Variants in PCDH7 observed in about 807,000 individuals in gnomAD.
PCDH7 encodes the protein protocadherin 7, also known as protocadherin-7.
In PCDH7, 17 loss-of-function variants were observed where a neutral mutation model predicts 58.9. That is an observed-to-expected ratio of 0.29 (90% CI 0.20 to 0.43). The LOEUF (loss-of-function observed/expected upper bound fraction) is 0.43, where lower values mean the gene tolerates loss of function less well. Ranked by LOEUF, PCDH7 falls within the 20% of genes least tolerant of loss-of-function variation. The probability of loss-of-function intolerance (pLI) is 1.00; values close to 1 mark genes in which losing one functional copy is unlikely to be tolerated. For synonymous variants in PCDH7, 664 were observed against 616.4 expected, an observed-to-expected ratio of 1.08 and a Z score of -1.14; for missense variants, 1,274 against 1,441.0, an observed-to-expected ratio of 0.88 and a Z score of 1.88.
At chr4:30,981,399 G>C (rs1750555876) in intron 3 of PCDH7, among the ~76,000 whole-genome samples, 1 of 152,134 alleles carries the variant, frequency 6.6e-6, no homozygotes, top group South Asian at 2.1e-4. Context: ...TGGATGCCGA[G>C]ATTTATGACA....
chr4:30,870,673 G>C (rs1440034636), intron 1 of PCDH7, among the ~76,000 whole-genome samples: 3 of 152,020 alleles, frequency 2.0e-5, no homozygotes, highest in African/African-American at 7.2e-5. Context: ...AGCACCAATT[G>C]GTTTCCCTGT....
intron 1 of PCDH7, among the ~76,000 whole-genome samples, chr4:30,911,260 T>C (rs1026019494): frequency 6.6e-6 from 1 of 151,298 alleles, no homozygotes. Flanking sequence ...TATACCTATG[T>C]AACAAACCTG....
At chr4:30,797,121 C>G (rs189139213) in intron 1 of PCDH7, among the ~76,000 whole-genome samples, 4 of 151,812 alleles carry the variant, frequency 2.6e-5, no homozygotes, top group African/African-American at 9.7e-5. Flanking sequence ...CCACCACGCC[C>G]GGCTAATTTT....
chr4:30,752,518 A>G (rs1718665634), intron 1 of PCDH7, among the ~76,000 whole-genome samples: 1 of 152,152 alleles, frequency 6.6e-6, no homozygotes, highest in African/African-American at 2.4e-5. Flanking sequence ...ATAATTCAGT[A>G]GTTTAGCCTT....
intron 2 of PCDH7, among the ~76,000 whole-genome samples, chr4:30,947,087 T>A (rs1746784071): frequency 6.6e-6 from 1 of 152,126 alleles, no homozygotes; most frequent in African/African-American, 2.4e-5. Flanking sequence ...CTGCTTACAG[T>A]TGCACATGGT....
At chr4:31,129,299 G>A (rs1336853883) in intron 3 of PCDH7, among the ~76,000 whole-genome samples, 1 of 152,198 alleles carries the variant, frequency 6.6e-6, no homozygotes, top group Non-Finnish European at 1.5e-5. Flanking sequence ...AATTCCACAG[G>A]CTATCCAGAA....
At chr4:31,124,358 A>G (rs1259516537) in intron 3 of PCDH7, among the ~76,000 whole-genome samples, 1 of 152,212 alleles carries the variant, frequency 6.6e-6, no homozygotes, top group Non-Finnish European at 1.5e-5. Context: ...GCTAAAGAAC[A>G]TAGTTGATAA....
chr4:30,750,984 A>C (rs1427093562), intron 1 of PCDH7, among the ~76,000 whole-genome samples: 1 of 151,770 alleles, frequency 6.6e-6, no homozygotes, highest in Non-Finnish European at 1.5e-5. Flanking sequence ...AAGGAAAAAA[A>C]CGCAAGACTA....
chr4:30,980,910 C>T (rs1750497995), intron 3 of PCDH7, among the ~76,000 whole-genome samples: 1 of 152,132 alleles, frequency 6.6e-6, no homozygotes, highest in African/African-American at 2.4e-5. Context: ...GTGGTGCGAT[C>T]TCAGCTACTG....
rs533362534 is a variant in PCDH7 at position 30,798,173 on chromosome 4, A to G, written c.70+73577A>G. ...TGAATCAACATACCTAAGACGTTGT[A>G]TTTAAGTTGAAGGAGATTCAACTTG... On this transcript the variant is annotated intron_variant, in intron 1 of 3. Coordinates refer to the PCDH7 transcript ENST00000509759. Among the ~76,000 whole-genome samples the G allele has an allele frequency of 2.6e-5, 4 of 152,332 alleles. No homozygotes were observed. In the East Asian group the frequency reaches 7.7e-4, roughly 29 times the overall value.
chr4:30,992,788 C>T (rs1452286621), intron 3 of PCDH7, among the ~76,000 whole-genome samples: 1 of 149,522 alleles, frequency 6.7e-6, no homozygotes, highest in Non-Finnish European at 1.5e-5. Flanking sequence ...GACTACTGTC[C>T]CATTCTTTTT....
At chr4:30,903,597 A>G (rs1012205552) in intron 1 of PCDH7, among the ~76,000 whole-genome samples, 5 of 152,108 alleles carry the variant, frequency 3.3e-5, no homozygotes, top group African/African-American at 7.2e-5. Flanking sequence ...TCTTCATTGC[A>G]TCTTTAAAAT....
chr4:31,052,684 T>G (rs923751129), intron 3 of PCDH7, among the ~76,000 whole-genome samples: 1 of 152,120 alleles, frequency 6.6e-6, no homozygotes, highest in African/African-American at 2.4e-5. Context: ...CATATGCAAT[T>G]ATAAAAGGAG....
intron 3 of PCDH7, among the ~76,000 whole-genome samples, chr4:31,098,587 G>T (rs1714482243): frequency 6.6e-6 from 1 of 152,032 alleles, no homozygotes; most frequent in Non-Finnish European, 1.5e-5. Context: ...ACATCCGTCT[G>T]GTCACTACAA....
chr4:30,738,305 T>C (rs1716579829), intron 1 of PCDH7, among the ~76,000 whole-genome samples: 1 of 152,110 alleles, frequency 6.6e-6, no homozygotes, highest in African/African-American at 2.4e-5. Context: ...AGCCCGTCCA[T>C]TCCTGGGAAA....
At chr4:30,781,060 A>C (rs1722712465) in intron 1 of PCDH7, among the ~76,000 whole-genome samples, 1 of 152,070 alleles carries the variant, frequency 6.6e-6, no homozygotes, top group Non-Finnish European at 1.5e-5. Context: ...CAGAACCAGG[A>C]CTGTGTTTTA....
intron 3 of PCDH7, among the ~76,000 whole-genome samples, chr4:30,968,402 A>T (rs1399960973): frequency 1.9e-5 from 1 of 52,484 alleles, no homozygotes; most frequent in East Asian, 5.9e-4. Flanking sequence ...ATATATATAT[A>T]TATATATATA....
chr4:30,741,454 A>G (rs1717067224), intron 1 of PCDH7, among the ~76,000 whole-genome samples: 1 of 152,090 alleles, frequency 6.6e-6, no homozygotes, highest in African/African-American at 2.4e-5. Context: ...TTGGCCTCCC[A>G]TAGTGCTGGT....
chr4:30,914,881 G>T (rs1035078823), intron 1 of PCDH7, among the ~76,000 whole-genome samples: 1 of 152,070 alleles, frequency 6.6e-6, no homozygotes, highest in Non-Finnish European at 1.5e-5. Flanking sequence ...GTCACGTAAG[G>T]TTTCTTGGAA....
Sources: allele counts gnomAD v4.1 joint callset (sites outside exome capture counted in the v4.1 genomes callset), GRCh38; gene constraint gnomAD v4.1.1; transcripts MANE v1.5; gene names NCBI Gene and HGNC (gene_info 2026-07-23, HGNC 2026-07-21).